SMYD3: variants seen among roughly 807,000 people sequenced by gnomAD.
SMYD3 encodes histone-lysine N-methyltransferase SMYD3.
SMYD3 carries 36 observed loss-of-function variants against 57.7 expected under a neutral mutation model. The ratio of observed to expected loss-of-function variants is 0.62; its 90% CI spans 0.48 to 0.82. SMYD3 has a LOEUF of 0.82. Among genes scored for constraint, SMYD3 ranks in the 40% least tolerant of loss-of-function variants. The probability of loss-of-function intolerance (pLI) is 0.00; values close to 1 mark genes in which losing one functional copy is unlikely to be tolerated. For missense variants in SMYD3, 515 were observed against 538.8 expected, an observed-to-expected ratio of 0.96 and a Z score of 0.44; for synonymous variants, 211 against 195.0, an observed-to-expected ratio of 1.08 and a Z score of -0.68.
chr1:246,271,014 T>C (rs1379618933), intron 5 of SMYD3, among the ~76,000 whole-genome samples: 2 of 152,330 alleles, frequency 1.3e-5, no homozygotes, highest in African/African-American at 4.8e-5. Context: ...TCATCCTAAT[T>C]TGTGTGAAGT....
At chr1:246,456,921 C>G (rs751795073) in intron 1 of SMYD3, among the ~76,000 whole-genome samples, 1 of 152,150 alleles carries the variant, frequency 6.6e-6, no homozygotes, top group Non-Finnish European at 1.5e-5. Flanking sequence ...CCTAGTACAC[C>G]GAATGGACCA....
chr1:245,829,630 C>T (rs924554297), intron 10 of SMYD3, among the ~76,000 whole-genome samples: 4 of 152,058 alleles, frequency 2.6e-5, no homozygotes, highest in Non-Finnish European at 5.9e-5. Flanking sequence ...TCTGGTAATT[C>T]CACTCTAGAT....
At chr1:246,318,141 G>A (rs768463156) in intron 5 of SMYD3, among the ~76,000 whole-genome samples, 4 of 152,108 alleles carry the variant, frequency 2.6e-5, no homozygotes, top group Non-Finnish European at 5.9e-5. Flanking sequence ...CTAGCCCTCT[G>A]GGAGGCCAAG....
chr1:246,355,183 A>T lies in SMYD3; in HGVS notation c.165-89T>A. The T allele has an allele frequency of 1.6e-6, 2 of 1,264,678 alleles. No individual in the cohort carries two copies. The highest frequency in any genetic ancestry group is 2.3e-6 in the Non-Finnish European group (2 of 867,716). 78.3% of individuals were successfully genotyped at this position (1,264,678 alleles called of 1,614,324 possible). A position where few individuals can be genotyped will look rare whatever the true frequency, so the allele number is the denominator to read the frequency against. On this transcript the variant is annotated intron_variant, in intron 1 of 11. Coordinates refer to ENST00000490107, the MANE Select transcript of SMYD3 (RefSeq NM_001167740.2). The surrounding 1 kb of genome is among the most constrained non-coding windows in gnomAD (Gnocchi z 5.0). ...AAAGAAAACATAAGTCAACATACGG[A>T]CACCCGTATGTTCTGTTTACTCCAT...
intron 1 of SMYD3, among the ~76,000 whole-genome samples, chr1:246,447,210 G>A (rs2067561624): frequency 6.6e-6 from 1 of 152,096 alleles, no homozygotes; most frequent in Non-Finnish European, 1.5e-5. Flanking sequence ...TTAATTATAG[G>A]ATCATCTATA....
At chr1:246,495,747 C>T (rs1397930820) in intron 1 of SMYD3, among the ~76,000 whole-genome samples, 1 of 151,904 alleles carries the variant, frequency 6.6e-6, no homozygotes, top group Non-Finnish European at 1.5e-5. Context: ...TCAAGACCAG[C>T]CTGAGTAAAT....
chr1:245,988,935 C>T (rs2148106886), intron 5 of SMYD3, among the ~76,000 whole-genome samples: 2 of 152,382 alleles, frequency 1.3e-5, no homozygotes, highest in South Asian at 4.1e-4. Context: ...CAAACTATGT[C>T]TGAAGCCTGG....
intron 5 of SMYD3, among the ~76,000 whole-genome samples, chr1:246,244,722 A>T (rs1307604681): frequency 6.6e-6 from 1 of 152,194 alleles, no homozygotes; most frequent in Admixed American, 6.5e-5. Flanking sequence ...AGGGACAAGA[A>T]GCACTCCTAA....
At chr1:246,142,919 T>G (rs2061780972) in intron 5 of SMYD3, among the ~76,000 whole-genome samples, 1 of 152,128 alleles carries the variant, frequency 6.6e-6, no homozygotes, top group South Asian at 2.1e-4. Context: ...TGGCAGCTTC[T>G]TCATGGAGAT....
At chr1:245,799,930 C>T (rs1044405110) in intron 10 of SMYD3, among the ~76,000 whole-genome samples, 2 of 152,214 alleles carry the variant, frequency 1.3e-5, no homozygotes, top group African/African-American at 2.4e-5. Flanking sequence ...TGCTGCAGCA[C>T]TGGAATTCAC....
chr1:246,461,054 G>T (rs2067789960), intron 1 of SMYD3, among the ~76,000 whole-genome samples: 2 of 152,152 alleles, frequency 1.3e-5, no homozygotes, highest in South Asian at 4.1e-4. Flanking sequence ...TATTATTAAA[G>T]GCATAAAATG....
intron 5 of SMYD3, among the ~76,000 whole-genome samples, chr1:246,273,243 G>A (rs991261541): frequency 2.1e-4 from 31 of 144,708 alleles, no homozygotes; most frequent in Admixed American, 5.0e-4. Context: ...TCCGCCTCCC[G>A]GGTTCAAGTG....
At chr1:246,486,677 C>A (rs1042961012) in intron 1 of SMYD3, among the ~76,000 whole-genome samples, 1 of 152,056 alleles carries the variant, frequency 6.6e-6, no homozygotes, top group African/African-American at 2.4e-5. Context: ...ATGGAAGCAG[C>A]GCTCAAACCT....
At chr1:245,778,848 A>G (rs1348571361) in intron 10 of SMYD3, among the ~76,000 whole-genome samples, 1 of 152,072 alleles carries the variant, frequency 6.6e-6, no homozygotes, top group Admixed American at 6.6e-5. Context: ...AAAAACATCT[A>G]CTCTGTAAAA....
At chr1:245,795,087 C>A (rs574846884) in intron 10 of SMYD3, among the ~76,000 whole-genome samples, 1 of 152,242 alleles carries the variant, frequency 6.6e-6, no homozygotes, top group South Asian at 2.1e-4. Flanking sequence ...CTGTCCCTGT[C>A]TCCATTTGCA....
At chr1:246,253,954 A>T (rs2063836805) in intron 5 of SMYD3, among the ~76,000 whole-genome samples, 1 of 152,154 alleles carries the variant, frequency 6.6e-6, no homozygotes, top group Admixed American at 6.5e-5. Context: ...AACTAGGTTT[A>T]TATTCCCATC....
intron 10 of SMYD3, among the ~76,000 whole-genome samples, chr1:245,832,158 G>A (rs2148386809): frequency 6.6e-6 from 1 of 152,306 alleles, no homozygotes; most frequent in South Asian, 2.1e-4. Context: ...ATAATGCCTG[G>A]TCAAGAGGCT....
In SMYD3 at chr1:246,163,382, G is replaced by A. The variant is rs113432988; in HGVS notation, c.531+163819C>T. Among the ~76,000 whole-genome samples the A allele has an allele frequency of 1.6e-3, 244 of 152,302 alleles. 1 individual carries two copies. The highest frequency in any genetic ancestry group is 5.4e-3 in the African/African-American group (226 of 41,570). On this transcript the variant is annotated intron_variant, in intron 5 of 11. Transcript: ENST00000490107. ...GCTAAGCATTCATGAAATAGCAAGAGATTGTATTGCTCTTTAACCAAGTTC... is the reference window on the plus strand; with the variant it reads ...GCTAAGCATTCATGAAATAGCAAGAAATTGTATTGCTCTTTAACCAAGTTC...
chr1:245,863,119 CT>C (rs1450620625), intron 9 of SMYD3, among the ~76,000 whole-genome samples: 5 of 152,232 alleles, frequency 3.3e-5, no homozygotes, highest in African/African-American at 1.2e-4. Flanking sequence ...ACCTTGATCT[CT>C]TCCTTCTTGC....
Sources: allele counts gnomAD v4.1 joint callset (sites outside exome capture counted in the v4.1 genomes callset), GRCh38; gene constraint gnomAD v4.1.1; non-coding constraint Gnocchi (gnomAD v3.1); transcripts MANE v1.5; gene names NCBI Gene and HGNC (gene_info 2026-07-23, HGNC 2026-07-21).